Variants in C12orf56 observed in about 807,000 individuals in gnomAD.
C12orf56 encodes the protein uncharacterized protein C12orf56.
A neutral mutation model predicts 69.9 loss-of-function variants in C12orf56; 71 were observed. The ratio of observed to expected loss-of-function variants is 1.02; its 90% CI spans 0.84 to 1.24. The LOEUF is 1.24. Among genes scored for constraint, C12orf56 ranks in the 50% most tolerant of loss-of-function variants. C12orf56 has a pLI of 0.00. For missense variants in C12orf56, 732 were observed against 738.5 expected (o/e 0.99, Z 0.10); for synonymous variants, 276 against 274.1 (o/e 1.01, Z -0.07).
intron 1 of C12orf56, among the ~76,000 whole-genome samples, chr12:64,378,580 T>C (rs148008136): frequency 8.3e-4 from 126 of 152,254 alleles, no homozygotes; most frequent in African/African-American, 3.0e-3. Flanking sequence ...ACTACAGGCA[T>C]GTGCCAAGAC....
intron 1 of C12orf56, among the ~76,000 whole-genome samples, chr12:64,367,953 G>A (rs564064399): frequency 6.6e-6 from 1 of 151,138 alleles, no homozygotes; most frequent in Non-Finnish European, 1.5e-5. Flanking sequence ...GATTACAGGT[G>A]CATGCCACCA....
chr12:64,308,997 G>T (rs1037523086), intron 5 of C12orf56, among the ~76,000 whole-genome samples: 3 of 139,560 alleles, frequency 2.1e-5, no homozygotes, highest in African/African-American at 8.0e-5. Flanking sequence ...AAGAAAGAAG[G>T]AAAGAAAGAA....
chr12:64,355,359 A>T (rs908164698), intron 1 of C12orf56, among the ~76,000 whole-genome samples: 3 of 152,184 alleles, frequency 2.0e-5, no homozygotes, highest in African/African-American at 7.2e-5. Flanking sequence ...CAAACCAGTT[A>T]ATGAATTTGT....
chr12:64,365,504 C>T (rs2039454770), intron 1 of C12orf56, among the ~76,000 whole-genome samples: 1 of 151,338 alleles, frequency 6.6e-6, no homozygotes, highest in Non-Finnish European at 1.5e-5. Context: ...GAACCTAAGG[C>T]TCAGAGAACT....
chr12:64,310,317 T>G (rs895950322), intron 5 of C12orf56, among the ~76,000 whole-genome samples: 19 of 152,166 alleles, frequency 1.2e-4, no homozygotes, highest in Non-Finnish European at 2.5e-4. Context: ...CCACTTCACC[T>G]CTCTGTCTAA....
intron 2 of C12orf56, among the ~76,000 whole-genome samples, chr12:64,331,769 C>T (rs1477507677): frequency 6.6e-6 from 1 of 152,052 alleles, no homozygotes; most frequent in African/African-American, 2.4e-5. Context: ...GACTTCCAGC[C>T]TCCAGAACTG....
At chr12:64,385,184 G>A (rs569943988) in intron 1 of C12orf56, among the ~76,000 whole-genome samples, 4 of 152,006 alleles carry the variant, frequency 2.6e-5, no homozygotes, top group South Asian at 4.2e-4. Context: ...TAAAATATCC[G>A]CCCAAGTAAC....
chr12:64,295,479 C>T (rs1592428191), intron 6 of C12orf56, among the ~76,000 whole-genome samples: 1 of 151,974 alleles, frequency 6.6e-6, no homozygotes, highest in East Asian at 1.9e-4. Flanking sequence ...GGTGAAACCC[C>T]TTTCCTACAA....
At chr12:64,316,633 GA>G (rs944201443) in intron 4 of C12orf56, among the ~76,000 whole-genome samples, 1 of 150,870 alleles carries the variant, frequency 6.6e-6, no homozygotes, top group African/African-American at 2.4e-5. Context: ...AATGGTCATA[GA>G]AAAAAAAATC....
intron 3 of C12orf56, among the ~76,000 whole-genome samples, chr12:64,323,422 A>G (rs962328602): frequency 2.6e-5 from 4 of 152,232 alleles, no homozygotes; most frequent in South Asian, 2.1e-4. Flanking sequence ...ATTTCTAAAT[A>G]TATCTGTTGA....
chr12:64,351,808 T>C (rs2039225461), intron 2 of C12orf56, among the ~76,000 whole-genome samples: 1 of 150,432 alleles, frequency 6.6e-6, no homozygotes, highest in Non-Finnish European at 1.5e-5. Context: ...AACAGAGGAG[T>C]AGCCATTCAT....
intron 2 of C12orf56, among the ~76,000 whole-genome samples, chr12:64,341,360 T>C (rs1042339410): frequency 3.3e-5 from 5 of 152,144 alleles, no homozygotes; most frequent in Admixed American, 1.3e-4. Flanking sequence ...AGCACCATAT[T>C]GGATGCTGAT....
chr12:64,293,704 C>T (rs893386436), intron 6 of C12orf56, among the ~76,000 whole-genome samples: 17 of 152,162 alleles, frequency 1.1e-4, no homozygotes, highest in African/African-American at 3.6e-4. Flanking sequence ...CATGCATCTA[C>T]CTGAAACAAC....
intron 2 of C12orf56, among the ~76,000 whole-genome samples, chr12:64,342,283 C>T (rs1020744245): frequency 2.0e-5 from 3 of 152,230 alleles, no homozygotes; most frequent in Non-Finnish European, 4.4e-5. Context: ...CCATGCAAAG[C>T]GCACATCCAG....
rs932868332 is a variant in C12orf56 at position 64,266,130 on chromosome 12, G to C, written c.*1053C>G. 2.0e-5 allele frequency: 3 copies of C among 152,238 alleles called. No individual in the cohort carries two copies. The highest frequency in any genetic ancestry group is 4.4e-5 in the Non-Finnish European group (3 of 68,066). 9.4% of individuals were successfully genotyped at this position (152,238 alleles called of 1,614,324 possible). On this transcript the variant is annotated 3_prime_UTR_variant, in exon 13 of 13. Coordinates refer to ENST00000543942, the MANE Select transcript of C12orf56 (RefSeq NM_001170633.2). ...GAATTTGTATAGGTGGAGGAGGAGG[G>C]TGTCATCCTATTGCTCAGCATTTCC...
chr12:64,323,165 T>G (rs1174791119), intron 3 of C12orf56, among the ~76,000 whole-genome samples: 2 of 152,154 alleles, frequency 1.3e-5, no homozygotes, highest in Non-Finnish European at 2.9e-5. Context: ...AAGATGCAAT[T>G]GACACACAAA....
chr12:64,317,009 T>C (rs2038698870), intron 4 of C12orf56, among the ~76,000 whole-genome samples: 1 of 152,224 alleles, frequency 6.6e-6, no homozygotes, highest in Non-Finnish European at 1.5e-5. Context: ...TTTTGAAGTA[T>C]TCACATAGAT....
At chr12:64,301,176 C>A (rs780939881) in intron 6 of C12orf56, among the ~76,000 whole-genome samples, 1 of 152,098 alleles carries the variant, frequency 6.6e-6, no homozygotes, top group Non-Finnish European at 1.5e-5. Flanking sequence ...GACAGGCCTC[C>A]ATAACAACTG....
intron 6 of C12orf56, among the ~76,000 whole-genome samples, chr12:64,302,298 G>C (rs2038455924): frequency 6.6e-6 from 1 of 152,004 alleles, no homozygotes; most frequent in East Asian, 1.9e-4. Flanking sequence ...TGGGACATTT[G>C]GCATATTATT....
Sources: gnomAD v4.1 joint callset for allele counts (sites outside exome capture counted in the v4.1 genomes callset) on GRCh38, gnomAD v4.1.1 for gene constraint, MANE v1.5 for transcripts, NCBI Gene and HGNC (gene_info 2026-07-23, HGNC 2026-07-21) for gene names.